SCML1: variants seen among roughly 807,000 people sequenced by gnomAD.
SCML1 encodes the protein Scm polycomb group protein like 1.
For synonymous variants in SCML1, 104 were observed against 103.6 expected, an observed-to-expected ratio of 1.00 and a Z score of -0.02; for missense variants, 137 against 258.1, an observed-to-expected ratio of 0.53 and a Z score of 3.22.
chrX:17,744,360 C>G (rs970554148), intron 2 of SCML1, 141 bp downstream of exon 2: 1 of 399,627 alleles, frequency 2.5e-6, no homozygotes, highest in African/African-American at 2.6e-5. Context: ...ATATATAAAG[C>G]TCTTGTGACA....
intron 3 of SCML1, 69 bp downstream of exon 3, chrX:17,745,608 G>A (rs16980670): frequency 0.054 from 31,466 of 583,554 alleles, 4,095 homozygotes; most frequent in African/African-American, 0.49. Context: ...TAAATTCCTC[G>A]TATACTATGG....
rs1040961481 is a variant in SCML1, at chrX:17,754,975, A to T, written c.*1583A>T. The T allele has an allele frequency of 8.0e-5, 9 of 113,000 alleles. No individual in the cohort carries two copies. The highest frequency in any genetic ancestry group is 3.6e-4 in the South Asian group (1 of 2,772). The allele number at this position is 113,000 out of a possible 1,213,427, so 9.3% of individuals were successfully genotyped here. A position where few individuals can be genotyped will look rare whatever the true frequency, so the allele number is the denominator to read the frequency against. On this transcript the variant is annotated 3_prime_UTR_variant, in exon 8 of 8. Transcript: ENST00000380041. The stretch of plus-strand genomic sequence containing the variant: ...TTTAAAATATTAATAAAGTTAAATC[A>T]CAATAGTTCATTGAAAGCCTCAGAT...
chrX:17,752,294 G>A (rs770791891), intron 7 of SCML1, among the ~76,000 whole-genome samples: 1 of 111,929 alleles, frequency 8.9e-6, no homozygotes, highest in Non-Finnish European at 1.9e-5. Context: ...CCAGGACCAC[G>A]AGGAGGAGGG....
In SCML1 at chrX:17,745,524, T is replaced by C; in HGVS notation, c.102T>C (p.Pro34=). Reference sequence around the variant, plus strand: ...TTCTTTATGCGTATGAAACAAAACCTGAATTTGTCAATAAAGTATGTTAAT... The same window carrying C: ...TTCTTTATGCGTATGAAACAAAACCCGAATTTGTCAATAAAGTATGTTAAT... ...NTILYAYETK[P]EFVNKEPNIV... Residue 34 remains proline (P), a synonymous_variant, in exon 3 of 8, where the codon CCT becomes CCC. Coordinates refer to ENST00000380041, the MANE Select transcript of SCML1 (RefSeq NM_001037540.3). 8.9e-7 allele frequency: 1 copy of C among 1,128,218 alleles called. No individual in the cohort carries two copies. 93.0% of individuals were successfully genotyped at this position (1,128,218 alleles called of 1,213,427 possible).
rs187736667 is a variant in SCML1 at position 17,750,119 on chromosome X, C to T, written c.529C>T (p.Arg177Cys). The change falls in exon 6 of 8, where the codon CGC becomes TGC. Residue 177 changes from arginine to cysteine, a missense_variant. Arg to Cys is a radical substitution (Grantham distance 180, BLOSUM62 -3). Transcript: ENST00000380041. The part of the protein sequence containing the change: ...AELEEDPILS[R>C]TPSPVHPSDF... ...GCTGGAGGAGGACCCGATCCTCAGC[C>T]GCACTCCGAGTCCAGTGCATCCCTC... is the stretch of plus-strand genomic sequence containing the variant. The T allele has an allele frequency of 9.1e-6, 11 of 1,210,290 alleles. No homozygotes were observed. Among genetic ancestry groups the T allele is most frequent in the East Asian group, 5.9e-5 (2 of 33,771 alleles).
chrX:17,749,908 T>C lies in SCML1; in HGVS notation c.318T>C (p.Tyr106=), dbSNP rs752719450. Residue 106 remains tyrosine, a synonymous_variant, in exon 6 of 8, where the codon TAT becomes TAC. Transcript: ENST00000380041. ...SLWTNHKRYG[Y]KKHSYRLVKK... ...TGTGATTTCAGAAGCGATATGGATA[T>C]AAAAAGCATTCTTACCGGCTTGTTA... The C allele has an allele frequency of 2.1e-5, 25 of 1,206,315 alleles. No homozygotes were observed. The highest frequency in any genetic ancestry group is 1.5e-5 in the Non-Finnish European group (13 of 893,197).
intron 3 of SCML1, 169 bp downstream of exon 3, chrX:17,745,708 T>G: frequency 2.6e-6 from 1 of 391,884 alleles, no homozygotes; most frequent in East Asian, 4.3e-5. Context: ...ACCAATTTAC[T>G]TTCCCCTTTT....
rs2066739050 is a variant in SCML1, at chrX:17,753,977, C to G, written c.*585C>G. On this transcript the variant is annotated 3_prime_UTR_variant, in exon 8 of 8. Coordinates refer to ENST00000380041, the MANE Select transcript of SCML1 (RefSeq NM_001037540.3). ...TTAGAGTAAAAAATAAGCATATAAA[C>G]TTTTATTATGTGCTCTTAACAGTTT... 1 of 111,859 alleles carries G rather than the reference C, an allele frequency of 8.9e-6. No individual in the cohort carries two copies. Among genetic ancestry groups the G allele is most frequent in the Non-Finnish European group, 1.9e-5 (1 of 53,110 alleles). The allele number at this position is 111,859 out of a possible 1,213,427, so 9.2% of individuals were successfully genotyped here.
In SCML1 at chrX:17,754,018, G is replaced by C. The variant is rs191474126; in HGVS notation, c.*626G>C. ...TTAACAGTTTTAAGATAAACTATAG[G>C]ATAGATAGAATGGTTATTTTATGCA... On this transcript the variant is annotated 3_prime_UTR_variant, in exon 8 of 8. Coordinates refer to ENST00000380041, the MANE Select transcript of SCML1 (RefSeq NM_001037540.3). The C allele has an allele frequency of 1.1e-4, 12 of 111,890 alleles. No homozygotes were observed. The highest frequency in any genetic ancestry group is 3.9e-4 in the African/African-American group (12 of 30,880). The allele number at this position is 111,890 out of a possible 1,213,427, so 9.2% of individuals were successfully genotyped here.
In SCML1 at chrX:17,751,224, C is replaced by T. The variant is rs2066704320; in HGVS notation, c.704-591C>T. Among the ~76,000 whole-genome samples the T allele has an allele frequency of 2.7e-5, 3 of 111,796 alleles. No individual in the cohort carries two copies. In the South Asian group the frequency reaches 1.1e-3, roughly 42 times the overall value. ...AGAGACAGGAATCTAAAAAGTAAAG[C>T]GATACTAAAAATAACCTTATTGAAT... On this transcript the variant is annotated intron_variant, in intron 6 of 7. Coordinates refer to ENST00000380041, the MANE Select transcript of SCML1 (RefSeq NM_001037540.3).
intron 4 of SCML1, among the ~76,000 whole-genome samples, chrX:17,748,235 T>C (rs974052358): frequency 5.4e-5 from 6 of 111,823 alleles, no homozygotes; most frequent in Admixed American, 9.5e-5. Context: ...GAGATGGTAG[T>C]TCCTCTAGGA....
rs2066636177 is a variant in SCML1 at position 17,745,670 on chromosome X, C to T, written c.117+131C>T. On this transcript the variant is annotated intron_variant, in intron 3 of 7. Transcript: ENST00000380041. ...AATATCTCTCCCCTGAATTTGTATGCTTGCTTTCATCAGAGAATGAGCACT... is the reference window on the plus strand; with the variant it reads ...AATATCTCTCCCCTGAATTTGTATGTTTGCTTTCATCAGAGAATGAGCACT... 4 of 426,569 alleles carry T rather than the reference C, an allele frequency of 9.4e-6. No individual in the cohort carries two copies. In the East Asian group the frequency reaches 1.6e-4, roughly 17 times the overall value. The allele number at this position is 426,569 out of a possible 1,213,427, so 35.2% of individuals were successfully genotyped here.
chrX:17,750,686 A>G (rs1259523797), intron 6 of SCML1, among the ~76,000 whole-genome samples: 1 of 112,349 alleles, frequency 8.9e-6, no homozygotes, highest in Non-Finnish European at 1.9e-5. Flanking sequence ...TAGCACTTCT[A>G]GAACTCTGCC....
At chrX:17,746,409 T>A (rs2066642328) in intron 4 of SCML1, among the ~76,000 whole-genome samples, 1 of 112,106 alleles carries the variant, frequency 8.9e-6, no homozygotes, top group South Asian at 3.7e-4. Context: ...TTGACTGATT[T>A]GGATGAAATT....
chrX:17,749,354 A>G (rs1201398756), intron 4 of SCML1, 46 bp from the exon 5 acceptor site: 1 of 726,272 alleles, frequency 1.4e-6, no homozygotes, highest in African/African-American at 2.2e-5. Flanking sequence ...AAAAAATTAT[A>G]TTTTACATTG....
At chrX:17,743,679 G>T (rs779054329) in intron 1 of SCML1, among the ~76,000 whole-genome samples, 1 of 111,570 alleles carries the variant, frequency 9.0e-6, no homozygotes, top group African/African-American at 3.3e-5. Flanking sequence ...AGTCGGGGGG[G>T]ACCCAATCCA....
chrX:17,748,511 C>CT (rs957558766), intron 4 of SCML1, among the ~76,000 whole-genome samples: 19 of 110,193 alleles, frequency 1.7e-4, no homozygotes, highest in African/African-American at 5.6e-4. Context: ...CGGCCAGGAG[C>CT]TTTTTTTTTC....
chrX:17,743,820 CT>C (rs897125693), intron 1 of SCML1: 1 of 142,552 alleles, frequency 7.0e-6, no homozygotes, highest in African/African-American at 3.1e-5. Flanking sequence ...ACTCTGTAGG[CT>C]TTAAGTTACT....
chrX:17,750,437 C>A, intron 6 of SCML1, 144 bp downstream of exon 6: 1 of 603,881 alleles, frequency 1.7e-6, no homozygotes, highest in Non-Finnish European at 2.5e-6. Flanking sequence ...TTACAAGTAG[C>A]ACTATTTGAC....
Sources: gnomAD v4.1 joint callset for allele counts (sites outside exome capture counted in the v4.1 genomes callset) on GRCh38, gnomAD v4.1.1 for gene constraint, MANE v1.5 for transcripts, NCBI Gene and HGNC (gene_info 2026-07-23, HGNC 2026-07-21) for gene names.